Variants in IPCEF1 observed in about 807,000 individuals in gnomAD.
IPCEF1 encodes interaction protein for cytohesin exchange factors 1.
IPCEF1 carries 31 observed loss-of-function variants against 50.9 expected under a neutral mutation model. The ratio of observed to expected loss-of-function variants is 0.61; its 90% CI spans 0.46 to 0.82. The LOEUF is 0.82. Ranked by LOEUF, IPCEF1 falls within the 40% of genes least tolerant of loss-of-function variation. The pLI is 0.00. For synonymous variants in IPCEF1, 181 were observed against 192.0 expected (o/e 0.94, Z 0.47); for missense variants, 458 against 514.0 (o/e 0.89, Z 1.05).
chr6:154,228,533 G>C (rs1320799753), intron 5 of IPCEF1, among the ~76,000 whole-genome samples: 1 of 152,102 alleles, frequency 6.6e-6, no homozygotes, highest in African/African-American at 2.4e-5. Flanking sequence ...TCACAATTCA[G>C]CCCATCTAGT....
At chr6:154,273,727 T>TTTTTTC (rs1781964387) in intron 2 of IPCEF1, among the ~76,000 whole-genome samples, 1 of 17,358 alleles carries the variant, frequency 5.8e-5, no homozygotes, top group African/African-American at 2.3e-4. Context: ...TTTCTTTCTT[T>TTTTTTC]TTTTTTTTTT....
intron 9 of IPCEF1, among the ~76,000 whole-genome samples, chr6:154,203,406 CA>C (rs1777232901): frequency 6.6e-6 from 1 of 152,200 alleles, no homozygotes; most frequent in South Asian, 2.1e-4. Flanking sequence ...GTCCCTTGAA[CA>C]GTAGGGATTC....
rs556961897 is a variant in IPCEF1 at position 154,160,456 on chromosome 6, G to A, written c.1105-416C>T. ...CGTAACACTTTACCTAGGACATATG[G>A]CAACATAAAATATGTCTTTTAAGAT... is the stretch of plus-strand genomic sequence containing the variant. On this transcript the variant is annotated intron_variant, in intron 11 of 11. Coordinates refer to ENST00000367220, the MANE Select transcript of IPCEF1 (RefSeq NM_001130700.2). Among the ~76,000 whole-genome samples the A allele has an allele frequency of 2.4e-3, 359 of 152,140 alleles. 1 individual carries two copies. The highest frequency in any genetic ancestry group is 8.5e-3 in the African/African-American group (351 of 41,508).
intron 2 of IPCEF1, among the ~76,000 whole-genome samples, chr6:154,268,285 T>G (rs866090090): frequency 8.6e-5 from 13 of 152,040 alleles, no homozygotes; most frequent in South Asian, 6.2e-4. Context: ...AGTCTGGGGG[T>G]GGGGTAGGTC....
At chr6:154,351,359 C>T (rs576139730) in intron 1 of IPCEF1, among the ~76,000 whole-genome samples, 2 of 152,212 alleles carry the variant, frequency 1.3e-5, no homozygotes, top group Non-Finnish European at 2.9e-5. Flanking sequence ...CCCCAGTCCC[C>T]TTTTGTTCCC....
chr6:154,185,267 A>G (rs1801238413), intron 10 of IPCEF1, among the ~76,000 whole-genome samples: 1 of 152,232 alleles, frequency 6.6e-6, no homozygotes, highest in African/African-American at 2.4e-5. Flanking sequence ...GGGAGCAGCT[A>G]TAGACATGGA....
intron 9 of IPCEF1, among the ~76,000 whole-genome samples, chr6:154,210,201 A>T (rs568125313): frequency 6.6e-6 from 1 of 152,328 alleles, no homozygotes; most frequent in East Asian, 1.9e-4. Flanking sequence ...TTATTTCACC[A>T]GTGTGTTCTA....
intron 10 of IPCEF1, among the ~76,000 whole-genome samples, chr6:154,175,141 C>T (rs1266205779): frequency 3.3e-5 from 5 of 152,156 alleles, no homozygotes; most frequent in African/African-American, 9.7e-5. Context: ...AAAGACACAA[C>T]GTACCAGAAG....
intron 1 of IPCEF1, among the ~76,000 whole-genome samples, chr6:154,333,639 A>T (rs1221163889): frequency 1.3e-5 from 2 of 150,012 alleles, no homozygotes; most frequent in Non-Finnish European, 3.0e-5. Context: ...TATGTATACA[A>T]GTATACATGT....
chr6:154,307,493 G>A (rs191498069), intron 1 of IPCEF1, among the ~76,000 whole-genome samples: 8 of 152,218 alleles, frequency 5.3e-5, no homozygotes, highest in East Asian at 1.9e-4. Flanking sequence ...GTGTGAAAAC[G>A]GACTAATACA....
chr6:154,248,263 A>G (rs1781213122), intron 3 of IPCEF1, among the ~76,000 whole-genome samples: 1 of 151,866 alleles, frequency 6.6e-6, no homozygotes, highest in East Asian at 1.9e-4. Context: ...ATACAATCAG[A>G]CTATCAGCAA....
chr6:154,260,483 T>C (rs1277449137), intron 3 of IPCEF1, among the ~76,000 whole-genome samples: 2 of 151,534 alleles, frequency 1.3e-5, no homozygotes, highest in East Asian at 3.9e-4. Flanking sequence ...GAACTTTTTT[T>C]TTTTTTTGAG....
At chr6:154,303,272 A>G (rs1191046322) in intron 1 of IPCEF1, among the ~76,000 whole-genome samples, 6 of 151,692 alleles carry the variant, frequency 4.0e-5, no homozygotes, top group Non-Finnish European at 7.4e-5. Flanking sequence ...TTGTATTTTT[A>G]GTAGAGACGG....
At chr6:154,250,727 A>T (rs1217561386) in intron 3 of IPCEF1, among the ~76,000 whole-genome samples, 1 of 152,232 alleles carries the variant, frequency 6.6e-6, no homozygotes, top group African/African-American at 2.4e-5. Context: ...TTACCCCAAG[A>T]TGTATTAAAA....
intron 1 of IPCEF1, among the ~76,000 whole-genome samples, chr6:154,314,206 A>T (rs577620673): frequency 6.6e-6 from 1 of 152,334 alleles, no homozygotes; most frequent in South Asian, 2.1e-4. Context: ...TTGATCACAA[A>T]AAACAAGTCT....
At chr6:154,217,030 T>A in intron 7 of IPCEF1, 1 of 159,014 alleles carries the variant, frequency 6.3e-6, no homozygotes, top group Non-Finnish European at 1.4e-5. Context: ...TGAAATTCCC[T>A]AGGCTATCAA....
intron 10 of IPCEF1, among the ~76,000 whole-genome samples, chr6:154,190,399 C>T (rs182510639): frequency 1.6e-3 from 241 of 152,172 alleles, no homozygotes; most frequent in Non-Finnish European, 2.5e-3. Context: ...AGCAAAAAAG[C>T]GTATGAAAAG....
intron 3 of IPCEF1, among the ~76,000 whole-genome samples, chr6:154,256,537 GTCTCTC>G (rs10644644): frequency 7.6e-4 from 111 of 146,204 alleles, no homozygotes; most frequent in Non-Finnish European, 1.2e-3. Context: ...CTCTGTCTCC[GTCTCTC>G]TCTCTCTCTC....
chr6:154,254,781 A>C (rs1781421464), intron 3 of IPCEF1, among the ~76,000 whole-genome samples: 1 of 151,794 alleles, frequency 6.6e-6, no homozygotes, highest in South Asian at 2.1e-4. Context: ...ATATGACTAC[A>C]TTTTGATTTT....
Sources: gnomAD v4.1 joint callset for allele counts (sites outside exome capture counted in the v4.1 genomes callset) on GRCh38, gnomAD v4.1.1 for gene constraint, MANE v1.5 for transcripts, NCBI Gene and HGNC (gene_info 2026-07-23, HGNC 2026-07-21) for gene names.